The following AOPEP variants were observed in gnomAD, a reference collection of about 807,000 sequenced individuals.
AOPEP encodes the protein aminopeptidase O (putative).
Under a neutral mutation model 98.1 loss-of-function variants are expected in AOPEP, and 77 were observed. That is an observed-to-expected ratio of 0.78 (90% confidence interval 0.65 to 0.95). The LOEUF is 0.95. AOPEP is among the 40% of genes least tolerant of loss of function. The pLI is 0.00. For synonymous variants in AOPEP, 346 were observed against 365.3 expected (o/e 0.95, Z 0.60); for missense variants, 1,024 against 1,024.7 (o/e 1.00, Z 0.01).
At chr9:94,936,135 T>A (rs888146424) in intron 7 of AOPEP, among the ~76,000 whole-genome samples, 1 of 152,174 alleles carries the variant, frequency 6.6e-6, no homozygotes, top group African/African-American at 2.4e-5. Context: ...ATTTTCTACT[T>A]CTGGTCTTGC....
intron 6 of AOPEP, among the ~76,000 whole-genome samples, chr9:94,927,196 T>C (rs927108608): frequency 6.6e-6 from 1 of 152,138 alleles, no homozygotes; most frequent in Non-Finnish European, 1.5e-5. Flanking sequence ...CTCTGTTGGC[T>C]CTTCCTCTTC....
intron 13 of AOPEP, among the ~76,000 whole-genome samples, chr9:95,056,869 C>T (rs2066872439): frequency 1.3e-5 from 2 of 152,304 alleles, no homozygotes; most frequent in Admixed American, 1.3e-4. Flanking sequence ...TTCTTGTACT[C>T]ATTTCAGTAA....
At chr9:95,103,267 G>A in the AOPEP span, among the ~76,000 whole-genome samples, 547 of 152,172 alleles carry the variant, frequency 3.6e-3, 14 homozygotes, top group East Asian at 0.05. Flanking sequence ...TCCTGGGTGG[G>A]CCCCTTCCCA....
intron 13 of AOPEP, among the ~76,000 whole-genome samples, chr9:95,030,831 T>A (rs1027628033): frequency 2.0e-5 from 3 of 152,222 alleles, no homozygotes; most frequent in Non-Finnish European, 4.4e-5. Flanking sequence ...TAACCGTGGG[T>A]CTATTTCTGC....
intron 5 of AOPEP, among the ~76,000 whole-genome samples, chr9:94,879,528 A>G (rs977479510): frequency 1.3e-5 from 2 of 152,190 alleles, no homozygotes; most frequent in African/African-American, 2.4e-5. Flanking sequence ...GAGTTTCCCT[A>G]TCTATAGCTG....
intron 5 of AOPEP, among the ~76,000 whole-genome samples, chr9:94,809,479 T>C (rs893488599): frequency 6.6e-6 from 1 of 152,168 alleles, no homozygotes; most frequent in South Asian, 2.1e-4. Flanking sequence ...TTCAGAAATA[T>C]CTGGGAGTCC....
At chr9:94,775,733 T>C (rs1710899) in intron 3 of AOPEP, among the ~76,000 whole-genome samples, 7 of 152,058 alleles carry the variant, frequency 4.6e-5, no homozygotes, top group African/African-American at 1.7e-4. Context: ...CCAGCACTTT[T>C]GGAGGCCCAG....
chr9:95,091,764 G>C (rs1025388377), downstream of AOPEP, among the ~76,000 whole-genome samples: 1 of 152,172 alleles, frequency 6.6e-6, no homozygotes, highest in African/African-American at 2.4e-5. Context: ...GTTCCAGTCG[G>C]ATAACTAGAC....
chr9:95,083,287 C>T (rs890884286), intron 16 of AOPEP, among the ~76,000 whole-genome samples: 1 of 151,796 alleles, frequency 6.6e-6, no homozygotes, highest in Admixed American at 6.6e-5. Flanking sequence ...GTAGCACACA[C>T]ACTGCATGCA....
intron 15 of AOPEP, among the ~76,000 whole-genome samples, chr9:95,081,862 G>A (rs896792104): frequency 1.3e-5 from 2 of 152,044 alleles, no homozygotes; most frequent in African/African-American, 4.8e-5. Flanking sequence ...TTACTCCAGC[G>A]GAATGTAACT....
chr9:95,106,887 G>A, the AOPEP span, among the ~76,000 whole-genome samples: 3 of 152,164 alleles, frequency 2.0e-5, no homozygotes, highest in Admixed American at 1.3e-4. Flanking sequence ...ATGACATAAA[G>A]GTGCTGGAAG....
chr9:95,101,173 T>C, the AOPEP span: 1 of 251,132 alleles, frequency 4.0e-6, no homozygotes, highest in South Asian at 1.3e-4. Flanking sequence ...GTCAGGCAGG[T>C]CCAGGGAGAC....
chr9:94,868,084 A>G (rs1344487404), intron 5 of AOPEP, among the ~76,000 whole-genome samples: 3 of 152,224 alleles, frequency 2.0e-5, no homozygotes, highest in Non-Finnish European at 4.4e-5. Flanking sequence ...GATGACTAAG[A>G]AAAATTCCAA....
intron 13 of AOPEP, among the ~76,000 whole-genome samples, chr9:95,007,453 G>GAT (rs1227658385): frequency 9.2e-5 from 14 of 152,180 alleles, no homozygotes; most frequent in Admixed American, 6.5e-4. Flanking sequence ...GTTTCCTCTT[G>GAT]ATACAAGCTC....
At chr9:94,785,536 C>G (rs1275984299) in intron 3 of AOPEP, among the ~76,000 whole-genome samples, 1 of 152,170 alleles carries the variant, frequency 6.6e-6, no homozygotes, top group Non-Finnish European at 1.5e-5. Context: ...TCCAGCTTTA[C>G]AGAATCTGCC....
chr9:94,804,671 T>C (rs1470710653), intron 5 of AOPEP, among the ~76,000 whole-genome samples: 1 of 152,230 alleles, frequency 6.6e-6, no homozygotes, highest in Non-Finnish European at 1.5e-5. Context: ...GCGTATACTG[T>C]GTGCCAGATA....
At chr9:94,761,754 G>A (rs1838354135) in intron 2 of AOPEP, among the ~76,000 whole-genome samples, 1 of 152,138 alleles carries the variant, frequency 6.6e-6, no homozygotes, top group Non-Finnish European at 1.5e-5. Flanking sequence ...TTGTGAAATT[G>A]CAGGGTTGGT....
chr9:95,042,267 G>A (rs1346961783), intron 13 of AOPEP, among the ~76,000 whole-genome samples: 1 of 149,524 alleles, frequency 6.7e-6, no homozygotes, highest in Non-Finnish European at 1.5e-5. Flanking sequence ...AGCCGAGATT[G>A]CGCCACTGCA....
intron 2 of AOPEP, 31 bp from the exon 3 acceptor site, chr9:94,772,971 C>T (rs868557677): frequency 6.4e-7 from 1 of 1,554,946 alleles, no homozygotes; most frequent in South Asian, 1.2e-5. Context: ...TAAAGATTCA[C>T]CCCCTTTCTT....
Sources: allele counts gnomAD v4.1 joint callset (sites outside exome capture counted in the v4.1 genomes callset), GRCh38; gene constraint gnomAD v4.1.1; transcripts MANE v1.5; gene names NCBI Gene and HGNC (gene_info 2026-07-23, HGNC 2026-07-21).